Variants in PSME4 observed in about 807,000 individuals in gnomAD.
PSME4 encodes proteasome activator subunit 4.
PSME4 carries 89 observed loss-of-function variants against 253.9 expected under a neutral mutation model. That is an observed-to-expected ratio of 0.35 (90% CI 0.30 to 0.42). PSME4 has a LOEUF of 0.42. PSME4 is among the 10% of genes least tolerant of loss of function. PSME4 has a pLI of 1.00. For missense variants in PSME4, 2,014 were observed against 2,195.2 expected, an observed-to-expected ratio of 0.92 and a Z score of 1.65; for synonymous variants, 851 against 759.2, an observed-to-expected ratio of 1.12 and a Z score of -1.99.
intron 38 of PSME4, 46 bp downstream of exon 38, chr2:53,888,675 A>G: frequency 7.4e-7 from 1 of 1,358,854 alleles, no homozygotes; most frequent in Non-Finnish European, 1.0e-6. Flanking sequence ...ATAAGTTAAC[A>G]CAAAACCTTT....
In PSME4 at chr2:53,920,333, C is replaced by T. The variant is rs376704972; in HGVS notation, c.2280G>A (p.Gly760=). ...ACTGGATTCCCAGATTCCACAAGTCCCCGGGTTTGCCCCAGTCCTAGAAGA... is the reference window on the plus strand; with the variant it reads ...ACTGGATTCCCAGATTCCACAAGTCTCCGGGTTTGCCCCAGTCCTAGAAGA... The part of the protein sequence containing the change: ...YFPIKDWGKP[G]DLWNLGIQWH... The change falls in exon 19 of 47, where the codon GGG becomes GGA. Residue 760 remains glycine (G), a synonymous_variant. Coordinates refer to ENST00000404125, the MANE Select transcript of PSME4 (RefSeq NM_014614.3). 5 of 1,612,572 alleles carry T rather than the reference C, an allele frequency of 3.1e-6. No individual in the cohort carries two copies. Among genetic ancestry groups the T allele is most frequent in the Admixed American group, 1.7e-5 (1 of 59,902 alleles).
chr2:53,947,908 C>T (rs1406124572), intron 3 of PSME4, among the ~76,000 whole-genome samples: 2 of 151,296 alleles, frequency 1.3e-5, no homozygotes, highest in African/African-American at 2.4e-5. Flanking sequence ...CCCAGCTGCT[C>T]GGGAGGCTGA....
intron 41 of PSME4, among the ~76,000 whole-genome samples, chr2:53,882,319 T>C (rs72799245): frequency 0.1 from 15,975 of 152,262 alleles, 1,098 homozygotes; most frequent in Middle Eastern, 0.19. Flanking sequence ...ACTTCCCATA[T>C]GAAAATACCC....
At chr2:53,872,512 G>A (rs187564438) in intron 43 of PSME4, among the ~76,000 whole-genome samples, 63 of 151,956 alleles carry the variant, frequency 4.1e-4, no homozygotes, top group Non-Finnish European at 6.2e-4. Flanking sequence ...AGGCCAAGGC[G>A]GGTAGATTGC....
intron 1 of PSME4, among the ~76,000 whole-genome samples, chr2:53,963,343 C>T (rs989131167): frequency 6.6e-6 from 1 of 151,910 alleles, no homozygotes. Flanking sequence ...AAAAAAAACA[C>T]ACAAAAAAGA....
chr2:53,967,023 T>C (rs1670770179), intron 1 of PSME4, among the ~76,000 whole-genome samples: 1 of 152,168 alleles, frequency 6.6e-6, no homozygotes, highest in East Asian at 1.9e-4. Context: ...ACTCCCTTCA[T>C]TCTCTACATG....
chr2:53,969,820 A>G (rs1324608430), intron 1 of PSME4, among the ~76,000 whole-genome samples: 1 of 152,050 alleles, frequency 6.6e-6, no homozygotes, highest in Non-Finnish European at 1.5e-5. Flanking sequence ...TGATACTAAT[A>G]TCGCCCTGGA....
At chr2:53,943,845 T>TA (rs1669573152) in intron 3 of PSME4, among the ~76,000 whole-genome samples, 1 of 25,522 alleles carries the variant, frequency 3.9e-5, no homozygotes, top group African/African-American at 1.8e-4. Context: ...AAACTCCATC[T>TA]CAAAAAAAAA....
At chr2:53,968,126 G>A (rs1322056736) in intron 1 of PSME4, among the ~76,000 whole-genome samples, 1 of 151,660 alleles carries the variant, frequency 6.6e-6, no homozygotes, top group Non-Finnish European at 1.5e-5. Flanking sequence ...TACAAAAAAA[G>A]TAGCCAGGCA....
Position 53,896,137 on chromosome 2 carries a change from C to T in PSME4, c.3689-401G>A, listed in dbSNP as rs111692253. On this transcript the variant is annotated intron_variant, in intron 32 of 46. Transcript: ENST00000404125. ...CATACTTTGATATTCTCTCTCTCTCCACACATACTTATCTAAACTATGAGT... is the reference window on the plus strand; with the variant it reads ...CATACTTTGATATTCTCTCTCTCTCTACACATACTTATCTAAACTATGAGT... Among the ~76,000 whole-genome samples, 4 of 152,154 alleles carry T rather than the reference C, an allele frequency of 2.6e-5. 1 individual carries two copies. Among genetic ancestry groups the T allele is most frequent in the African/African-American group, 9.6e-5 (4 of 41,510 alleles).
At chr2:53,871,136 G>A (rs1286308516) in intron 43 of PSME4, among the ~76,000 whole-genome samples, 3 of 152,196 alleles carry the variant, frequency 2.0e-5, no homozygotes, top group Admixed American at 1.3e-4. Flanking sequence ...GTTTTGTGAA[G>A]GGAGGAAAAC....
At chr2:53,966,789 T>TC (rs1364526640) in intron 1 of PSME4, among the ~76,000 whole-genome samples, 2 of 152,000 alleles carry the variant, frequency 1.3e-5, no homozygotes, top group Non-Finnish European at 2.9e-5. Flanking sequence ...AACCTCCACC[T>TC]CCCAGATTCA....
At chr2:53,908,151 C>T (rs1427558473) in intron 24 of PSME4, 169 bp downstream of exon 24, 1 of 553,672 alleles carries the variant, frequency 1.8e-6, no homozygotes, top group Non-Finnish European at 3.1e-6. Flanking sequence ...ATATTTTTTG[C>T]TAGGATCCAT....
rs768353990 is a variant in PSME4, at chr2:53,901,351, G to C, written c.3284C>G (p.Thr1095Arg). The C allele has an allele frequency of 1.9e-6, 3 of 1,608,010 alleles. No homozygotes were observed. Among genetic ancestry groups the C allele is most frequent in the Non-Finnish European group, 2.6e-6 (3 of 1,174,368 alleles). The change falls in exon 28 of 47, where the codon ACA becomes AGA. Residue 1095 changes from threonine (T) to arginine (R), a missense_variant and splice_region_variant. Physicochemically the swap from Thr to Arg is moderately conservative, Grantham distance 71. Around this residue, in one of 4 missense-constraint regions of PSME4, gnomAD observed 989 missense variants for 1,021.1 expected, o/e 0.97. Transcript: ENST00000404125. Reference sequence around the variant, plus strand: ...GAATGAAAGAATGATATTGCTTACTGTGAAGTCCAAGCCAATTGTTTCATA... The same window carrying C: ...GAATGAAAGAATGATATTGCTTACTCTGAAGTCCAAGCCAATTGTTTCATA... ...RQYETIGLDF[T>R]IPKSCVEIAE...
intron 7 of PSME4, among the ~76,000 whole-genome samples, chr2:53,935,383 C>T (rs745578549): frequency 1.3e-5 from 2 of 152,190 alleles, no homozygotes; most frequent in Non-Finnish European, 2.9e-5. Flanking sequence ...AGAGCATCTG[C>T]ATCCAGCTAC....
chr2:53,954,045 G>A (rs546363570), intron 1 of PSME4, among the ~76,000 whole-genome samples: 1 of 152,178 alleles, frequency 6.6e-6, no homozygotes. Context: ...AAGACAGTGG[G>A]CTGGCCGGGC....
chr2:53,933,375 C>CA lies in PSME4; in HGVS notation c.958-616dup, dbSNP rs571833072. Among the ~76,000 whole-genome samples, 457 of 60,588 alleles carry CA rather than the reference C, an allele frequency of 7.5e-3. 32 individuals carry two copies. Among genetic ancestry groups the CA allele is most frequent in the Non-Finnish European group, 9.5e-3 (334 of 35,128 alleles). The allele number at this position is 60,588 out of a possible 152,430, so 39.7% of individuals were successfully genotyped here. Reference sequence around the variant, plus strand: ...CCTGGGCGATAGAGCGAGACCATCTCAAAAAAAAAAAAAAAAAAAAAAAAA... The same window carrying CA: ...CCTGGGCGATAGAGCGAGACCATCTCAAAAAAAAAAAAAAAAAAAAAAAAAA... On this transcript the variant is annotated intron_variant, in intron 8 of 46. Coordinates refer to ENST00000404125, the MANE Select transcript of PSME4 (RefSeq NM_014614.3).
At chr2:53,925,518 T>A in intron 14 of PSME4, 21 bp downstream of exon 14, 1 of 1,487,112 alleles carries the variant, frequency 6.7e-7, no homozygotes, top group Middle Eastern at 1.8e-4. Flanking sequence ...GGAAGTTTAT[T>A]TTTTGCAGCA....
chr2:53,953,259 C>G (rs1222255934), intron 1 of PSME4, among the ~76,000 whole-genome samples: 1 of 151,940 alleles, frequency 6.6e-6, no homozygotes, highest in African/African-American at 2.4e-5. Flanking sequence ...AACTTCTAGT[C>G]ACTATAAGAC....
Sources: allele counts gnomAD v4.1 joint callset (sites outside exome capture counted in the v4.1 genomes callset), GRCh38; gene constraint gnomAD v4.1.1; regional missense constraint gnomAD v4.1.1; transcripts MANE v1.5; gene names NCBI Gene and HGNC (gene_info 2026-07-23, HGNC 2026-07-21).